EIF4G1: variants seen among roughly 807,000 people sequenced by gnomAD.
The protein encoded by EIF4G1 is eukaryotic translation initiation factor 4 gamma 1, also known as EIF4-gamma.
In EIF4G1, 4 loss-of-function variants were observed where a neutral mutation model predicts 187.8. That is an observed-to-expected ratio of 0.02 (90% CI 0.01 to 0.05). The LOEUF (loss-of-function observed/expected upper bound fraction) is 0.05, where lower values mean the gene tolerates loss of function less well. Ranked by LOEUF, EIF4G1 falls within the 10% of genes least tolerant of loss-of-function variation. The probability of loss-of-function intolerance (pLI) is 1.00; values close to 1 mark genes in which losing one functional copy is unlikely to be tolerated. For synonymous variants in EIF4G1, 844 were observed against 781.4 expected, an observed-to-expected ratio of 1.08 and a Z score of -1.34; for missense variants, 1,647 against 2,081.1, an observed-to-expected ratio of 0.79 and a Z score of 4.06.
intron 22 of EIF4G1, 111 bp downstream of exon 22, chr3:184,326,740 A>G (rs1725000410): frequency 6.8e-7 from 1 of 1,480,804 alleles, no homozygotes; most frequent in Admixed American, 1.7e-5. Context: ...AATGCGGGCA[A>G]TAGAGGAGGT....
chr3:184,328,089 G>A, intron 26 of EIF4G1, 87 bp downstream of exon 26: 8 of 1,504,324 alleles, frequency 5.3e-6, no homozygotes, highest in Non-Finnish European at 7.3e-6. Context: ...TTGCATAAGA[G>A]TGTAGGTTCC....
chr3:184,317,030 T>C (rs1031594649), intron 4 of EIF4G1, among the ~76,000 whole-genome samples: 5 of 152,144 alleles, frequency 3.3e-5, no homozygotes, highest in African/African-American at 1.2e-4. Flanking sequence ...ATCTCGGTGT[T>C]AGGAAGCCTC....
Position 184,327,674 on chromosome 3 carries a change from T to C in EIF4G1, c.3750T>C (p.Ile1250=). ...EELEKKSKAI[I]EEYLHLNDMK... The stretch of plus-strand genomic sequence containing the variant: ...TAGAGAAGAAATCCAAGGCTATCAT[T>C]GAGGAATATCTCCATCTCAATGACA... The change falls in exon 25 of 33, where the codon ATT becomes ATC. Residue 1250 remains isoleucine (I), a synonymous_variant. Transcript: ENST00000346169. The C allele has an allele frequency of 6.2e-7, 1 of 1,614,186 alleles. No homozygotes were observed. The highest frequency in any genetic ancestry group is 8.5e-7 in the Non-Finnish European group (1 of 1,180,020).
At chr3:184,326,154 A>G (rs977664130) in intron 21 of EIF4G1, among the ~76,000 whole-genome samples, 1 of 152,102 alleles carries the variant, frequency 6.6e-6, no homozygotes, top group Non-Finnish European at 1.5e-5. Flanking sequence ...ACACACACAC[A>G]CACACACACA....
In EIF4G1 at chr3:184,323,334, G is replaced by T. The variant is rs538603715; in HGVS notation, c.2089-74G>T. ...CCGCGGGGAGGGGTTTGCCCTGGAG[G>T]CGTGTAGTAGTGGTGTCACATATTG... On this transcript the variant is annotated intron_variant, in intron 14 of 32. Transcript: ENST00000346169. This position sits in a 1 kb window ranked among gnomAD's most constrained non-coding sequence, Gnocchi z 6.9. The T allele has an allele frequency of 6.2e-7, 1 of 1,611,276 alleles. No homozygotes were observed. Among genetic ancestry groups the T allele is most frequent in the East Asian group, 2.2e-5 (1 of 44,822 alleles).
intron 32 of EIF4G1, among the ~76,000 whole-genome samples, chr3:184,333,158 G>A (rs948995199): frequency 1.3e-5 from 2 of 152,114 alleles, no homozygotes; most frequent in African/African-American, 2.4e-5. Flanking sequence ...GGAGGGGGCC[G>A]TGAGAGATTA....
chr3:184,326,486 C>T, intron 21 of EIF4G1, 41 bp from the exon 22 acceptor site: 1 of 1,608,494 alleles, frequency 6.2e-7, no homozygotes, highest in Non-Finnish European at 8.5e-7. Context: ...AGGGACTCAG[C>T]CGGGTTGGAC....
At chr3:184,314,856 G>T (rs1452545169) in intron 1 of EIF4G1, among the ~76,000 whole-genome samples, 182 bp downstream of exon 1, 6 of 150,196 alleles carry the variant, frequency 4.0e-5, no homozygotes, top group African/African-American at 1.5e-4. Context: ...GGCCCGGCCG[G>T]GCCTGGCTGC....
intron 26 of EIF4G1, chr3:184,328,388 TC>T: frequency 1.7e-6 from 1 of 591,490 alleles, no homozygotes. Flanking sequence ...CAAAACTGTC[TC>T]AAAAAAAAAA....
chr3:184,322,619 G>A lies in EIF4G1; in HGVS notation c.1684G>A (p.Gly562Ser), dbSNP rs1188686638. The A allele has an allele frequency of 1.9e-6, 3 of 1,614,182 alleles. No individual in the cohort carries two copies. The highest frequency in any genetic ancestry group is 2.5e-6 in the Non-Finnish European group (3 of 1,180,040). Reference protein sequence around the residue: ...SNPGPESEGSGVPPRPEEADE... With the variant: ...SNPGPESEGSSVPPRPEEADE... ...TCCAGGCCCAGAGTCTGAGGGCAGT[G>A]GTGTGCCCCCACGTCCTGAGGAAGC... is the stretch of plus-strand genomic sequence containing the variant. Residue 562 changes from glycine to serine, a missense_variant, in exon 12 of 33, where the codon GGT becomes AGT. Gly to Ser is a moderately conservative substitution (Grantham distance 56, BLOSUM62 0). Coordinates refer to ENST00000346169, the MANE Select transcript of EIF4G1 (RefSeq NM_198241.3).
chr3:184,328,583 G>C (rs1191061911), intron 26 of EIF4G1, 48 bp from the exon 27 acceptor site: 2 of 1,613,900 alleles, frequency 1.2e-6, no homozygotes, highest in African/African-American at 2.7e-5. Context: ...CCCAGAAGGA[G>C]AGTGGGGACC....
intron 10 of EIF4G1, 121 bp from the exon 11 acceptor site, chr3:184,322,241 T>A: frequency 6.5e-7 from 1 of 1,534,892 alleles, no homozygotes; most frequent in East Asian, 2.3e-5. Context: ...CTTTTAAGCC[T>A]AAAAAGGGTG....
Position 184,321,949 on chromosome 3 carries a change from G to A in EIF4G1, c.1365G>A (p.Glu455=), listed in dbSNP as rs749988863. Residue 455 remains glutamate, a synonymous_variant, in exon 10 of 33, where the codon GAG becomes GAA. Transcript: ENST00000346169. ...CAGCTACTTCCCCAGCTCAGGAGGA[G>A]GAAATGGAAGAAGAAGAAGAAGAGG... ...APSATSPAQE[E]EMEEEEEEEE... 7.4e-6 allele frequency: 12 copies of A among 1,614,100 alleles called. No individual in the cohort carries two copies. In the South Asian group the frequency reaches 8.8e-5, roughly 12 times the overall value.
chr3:184,321,994 A>G lies in EIF4G1; in HGVS notation c.1410A>G (p.Glu470=), dbSNP rs1440085152. Residue 470 remains glutamate (E), a synonymous_variant, in exon 10 of 33, where the codon GAA becomes GAG. Coordinates refer to ENST00000346169, the MANE Select transcript of EIF4G1 (RefSeq NM_198241.3). ...EEEEEEGEAG[E]AGEAESEKGG... is the part of the protein sequence containing the mutation. ...AAGAGGAAGAAGGAGAAGCAGGAGA[A>G]GCAGGAGAAGCTGAGAGTGAGAAAG... 6.2e-7 allele frequency: 1 copy of G among 1,614,168 alleles called. No individual in the cohort carries two copies. Among genetic ancestry groups the G allele is most frequent in the Admixed American group, 1.7e-5 (1 of 60,018 alleles).
At chr3:184,333,409 G>A (rs1247242152) in intron 32 of EIF4G1, among the ~76,000 whole-genome samples, 1 of 152,148 alleles carries the variant, frequency 6.6e-6, no homozygotes, top group Non-Finnish European at 1.5e-5. Context: ...AGTCATAAGA[G>A]GATACGGGCT....
At chr3:184,320,775 G>T (rs1301847357) in intron 8 of EIF4G1, 53 bp downstream of exon 8, 2 of 1,612,806 alleles carry the variant, frequency 1.2e-6, no homozygotes, top group Non-Finnish European at 1.7e-6. Flanking sequence ...TTCTGCCCTG[G>T]ACTCCCAAGT....
At chr3:184,321,203 C>T (rs1577203968) in intron 9 of EIF4G1, 79 bp from the exon 10 acceptor site, 3 of 1,584,890 alleles carry the variant, frequency 1.9e-6, no homozygotes, top group East Asian at 2.2e-5. Context: ...GTTGGGAATG[C>T]CTGGGCTGGA....
chr3:184,327,512 G>C, intron 24 of EIF4G1, 64 bp downstream of exon 24: 1 of 1,612,984 alleles, frequency 6.2e-7, no homozygotes, highest in South Asian at 1.1e-5. Context: ...CTGGTCCCCA[G>C]CTTTTTGAGA....
chr3:184,335,065 GGGGCT>G lies in EIF4G1; in HGVS notation c.*159_*163del. The G allele has an allele frequency of 9.9e-7, 1 of 1,006,330 alleles. No homozygotes were observed. Among genetic ancestry groups the G allele is most frequent in the East Asian group, 2.6e-5 (1 of 38,014 alleles). 62.3% of individuals were successfully genotyped at this position (1,006,330 alleles called of 1,614,324 possible). On this transcript the variant is annotated 3_prime_UTR_variant, in exon 33 of 33. Transcript: ENST00000346169. ...AGTGGCTGAAGAGGCAGGATGGCTT[GGGGCT>G]GCCTGGGCCCCCCTCCAGGATGCCG...
Sources: allele counts gnomAD v4.1 joint callset (sites outside exome capture counted in the v4.1 genomes callset), GRCh38; gene constraint gnomAD v4.1.1; non-coding constraint Gnocchi (gnomAD v3.1); transcripts MANE v1.5; gene names NCBI Gene and HGNC (gene_info 2026-07-23, HGNC 2026-07-21).